The following SPPL3 variants were observed in gnomAD, a reference collection of about 807,000 sequenced individuals.
SPPL3 encodes signal peptide peptidase like 3, also known as signal peptide peptidase-like 3.
A neutral mutation model predicts 42.4 loss-of-function variants in SPPL3; 5 were observed. The ratio of observed to expected loss-of-function variants is 0.12; its 90% CI spans 0.06 to 0.25. The LOEUF is 0.25. Ranked by LOEUF, SPPL3 falls within the 10% of genes least tolerant of loss-of-function variation. SPPL3 has a pLI of 1.00. For synonymous variants in SPPL3, 195 were observed against 181.8 expected, an observed-to-expected ratio of 1.07 and a Z score of -0.58; for missense variants, 235 against 489.0, an observed-to-expected ratio of 0.48 and a Z score of 4.90.
intron 1 of SPPL3, among the ~76,000 whole-genome samples, chr12:120,900,502 G>A (rs1169192015): frequency 6.6e-6 from 1 of 151,882 alleles, no homozygotes; most frequent in East Asian, 1.9e-4. Flanking sequence ...CTACTCAGGA[G>A]GCTGAGGTGG....
chr12:120,860,591 A>C (rs1872593677), intron 1 of SPPL3, among the ~76,000 whole-genome samples: 1 of 152,180 alleles, frequency 6.6e-6, no homozygotes, highest in Admixed American at 6.5e-5. Context: ...GTTGACTCTA[A>C]TAATGAAAAA....
intron 1 of SPPL3, among the ~76,000 whole-genome samples, chr12:120,818,986 T>C (rs557534791): frequency 6.6e-6 from 1 of 152,346 alleles, no homozygotes; most frequent in East Asian, 1.9e-4. Context: ...AAATGGAAGA[T>C]AGCTGGATTC....
In SPPL3 at chr12:120,768,517, G is replaced by C; in HGVS notation, c.610-29C>G. ...CCGAGTTGGAGAGATGCCTTTAACAGAGGGAGTTGGAAGCAACCTGCTTTC... is the reference window on the plus strand; with the variant it reads ...CCGAGTTGGAGAGATGCCTTTAACACAGGGAGTTGGAAGCAACCTGCTTTC... On this transcript the variant is annotated intron_variant, in intron 7 of 10. Coordinates refer to ENST00000353487, the MANE Select transcript of SPPL3 (RefSeq NM_139015.5). The C allele has an allele frequency of 2.5e-6, 4 of 1,593,402 alleles. 1 individual carries two copies. In the South Asian group the frequency reaches 4.5e-5, roughly 18 times the overall value.
intron 1 of SPPL3, among the ~76,000 whole-genome samples, chr12:120,862,089 T>C (rs1361189555): frequency 6.6e-6 from 1 of 152,244 alleles, no homozygotes; most frequent in African/African-American, 2.4e-5. Flanking sequence ...TCAGGACTCT[T>C]GTTGAGGACC....
rs892930972 is a variant in SPPL3, at chr12:120,820,818, C to T, written c.24-9932G>A. On this transcript the variant is annotated intron_variant, in intron 1 of 10. Coordinates refer to ENST00000353487, the MANE Select transcript of SPPL3 (RefSeq NM_139015.5). Reference sequence around the variant, plus strand: ...AATAAAATAGTTACTTAAGGCTGGGCGCAGTGGCTCACGCCTGTAATCCCA... The same window carrying T: ...AATAAAATAGTTACTTAAGGCTGGGTGCAGTGGCTCACGCCTGTAATCCCA... 1.3e-4 allele frequency among the ~76,000 whole-genome samples: 20 copies of T among 152,084 alleles called. No individual in the cohort carries two copies. In the South Asian group the frequency reaches 1.7e-3, roughly 13 times the overall value.
intron 1 of SPPL3, among the ~76,000 whole-genome samples, chr12:120,897,726 A>T (rs866317099): frequency 3.9e-5 from 6 of 152,240 alleles, no homozygotes; most frequent in South Asian, 4.1e-4. Flanking sequence ...CCGTCTCAAA[A>T]AATAATAATA....
chr12:120,876,016 A>AAACC (rs1566067012), intron 1 of SPPL3, among the ~76,000 whole-genome samples: 4 of 144,020 alleles, frequency 2.8e-5, no homozygotes, highest in Non-Finnish European at 4.6e-5. Flanking sequence ...AAACAAACAG[A>AAACC]CCCCCCCCAC....
At chr12:120,817,258 G>A (rs1380039150) in intron 1 of SPPL3, among the ~76,000 whole-genome samples, 1 of 152,152 alleles carries the variant, frequency 6.6e-6, no homozygotes, top group Non-Finnish European at 1.5e-5. Context: ...TCGTGCCACT[G>A]CACTTCAGCC....
At chr12:120,800,742 T>C (rs998965550) in intron 2 of SPPL3, among the ~76,000 whole-genome samples, 3 of 152,144 alleles carry the variant, frequency 2.0e-5, no homozygotes, top group Admixed American at 2.0e-4. Flanking sequence ...TATTGATACT[T>C]ACATAGAACC....
At position 120,852,905 on chromosome 12, in the gene SPPL3, A is replaced by ATTT. The variant is rs1279076280; in HGVS notation, c.24-42022_24-42020dup. 9.1e-4 allele frequency among the ~76,000 whole-genome samples: 103 copies of ATTT among 112,778 alleles called. 25 individuals are homozygous for ATTT. Among genetic ancestry groups the ATTT allele is most frequent in the South Asian group, 2.2e-3 (7 of 3,138 alleles). The allele number at this position is 112,778 out of a possible 152,430, so 74.0% of individuals were successfully genotyped here. ...ATATATATTTCATATATATATATATATTTTTTAAGATGGATTTTCACTCTT... is the reference window on the plus strand; with the variant it reads ...ATATATATTTCATATATATATATATATTTTTTTTTAAGATGGATTTTCACTCTT... On this transcript the variant is annotated intron_variant, in intron 1 of 10. Coordinates refer to ENST00000353487, the MANE Select transcript of SPPL3 (RefSeq NM_139015.5).
chr12:120,871,117 G>A (rs1593004793), intron 1 of SPPL3, among the ~76,000 whole-genome samples: 2 of 70,660 alleles, frequency 2.8e-5, no homozygotes, highest in African/African-American at 1.0e-4. Context: ...GCGACAGAGT[G>A]AGACTCCGTC....
intron 6 of SPPL3, among the ~76,000 whole-genome samples, chr12:120,776,407 C>T (rs542072595): frequency 1.3e-5 from 2 of 152,092 alleles, no homozygotes; most frequent in South Asian, 2.1e-4. Flanking sequence ...TAAAACAGAC[C>T]CTTTAGTATG....
chr12:120,784,670 T>G, intron 3 of SPPL3, 77 bp from the exon 4 acceptor site: 2 of 1,203,874 alleles, frequency 1.7e-6, no homozygotes, highest in Non-Finnish European at 2.3e-6. Flanking sequence ...ATACATTAAC[T>G]TGCAAAAATG....
chr12:120,807,240 T>C (rs1870527770), intron 2 of SPPL3, among the ~76,000 whole-genome samples: 1 of 152,132 alleles, frequency 6.6e-6, no homozygotes, highest in South Asian at 2.1e-4. Flanking sequence ...ACCTTACTAC[T>C]AGAATGGCTA....
intron 1 of SPPL3, among the ~76,000 whole-genome samples, chr12:120,857,890 G>A (rs1872512706): frequency 6.6e-6 from 1 of 152,180 alleles, no homozygotes; most frequent in Non-Finnish European, 1.5e-5. Context: ...GTGATGGGTT[G>A]ACAGGTGCAG....
chr12:120,768,647 T>C, intron 7 of SPPL3, 159 bp from the exon 8 acceptor site: 3 of 906,998 alleles, frequency 3.3e-6, no homozygotes, highest in Admixed American at 2.8e-5. Flanking sequence ...TCCTGTGTAC[T>C]TGCCAATTTC....
chr12:120,848,275 C>T (rs1056170357), intron 1 of SPPL3, among the ~76,000 whole-genome samples: 4 of 152,174 alleles, frequency 2.6e-5, no homozygotes, highest in African/African-American at 9.7e-5. Flanking sequence ...TTCTAATGTA[C>T]AGGATCAGGA....
rs1167142647 is a variant in SPPL3, at chr12:120,764,942, C to A, written c.*57G>T. On this transcript the variant is annotated 3_prime_UTR_variant, in exon 11 of 11. Transcript: ENST00000353487. ...CAGGCCAGCTCTAAGAGGAAACAAA[C>A]CATGAGTTGAGAGAAAAGGACTATG... is the stretch of plus-strand genomic sequence containing the variant. The A allele has an allele frequency of 6.3e-7, 1 of 1,580,370 alleles. No homozygotes were observed. Among genetic ancestry groups the A allele is most frequent in the Non-Finnish European group, 8.7e-7 (1 of 1,155,668 alleles).
At chr12:120,797,499 T>A (rs577191547) in intron 2 of SPPL3, among the ~76,000 whole-genome samples, 1 of 152,162 alleles carries the variant, frequency 6.6e-6, no homozygotes, top group Non-Finnish European at 1.5e-5. Context: ...AGGGTTTACA[T>A]GTTTTTTTTA....
Sources: allele counts gnomAD v4.1 joint callset (sites outside exome capture counted in the v4.1 genomes callset), GRCh38; gene constraint gnomAD v4.1.1; transcripts MANE v1.5; gene names NCBI Gene and HGNC (gene_info 2026-07-23, HGNC 2026-07-21).